The following SYBU variants were observed in gnomAD, a reference collection of about 807,000 sequenced individuals.
The protein encoded by SYBU is GOLSYN A protein.
SYBU carries 21 observed loss-of-function variants against 35.9 expected under a neutral mutation model. The ratio of observed to expected loss-of-function variants is 0.58; its 90% CI spans 0.41 to 0.84. The LOEUF (loss-of-function observed/expected upper bound fraction) is 0.84, where lower values mean the gene tolerates loss of function less well. SYBU is among the 40% of genes least tolerant of loss of function. The pLI, the probability that SYBU is intolerant of heterozygous loss-of-function variation, is 0.00. For synonymous variants in SYBU, 319 were observed against 324.3 expected (o/e 0.98, Z 0.18); for missense variants, 768 against 848.2 (o/e 0.91, Z 1.17).
At chr8:109,662,199 T>G (rs1468161917) in intron 1 of SYBU, among the ~76,000 whole-genome samples, 5 of 152,216 alleles carry the variant, frequency 3.3e-5, no homozygotes, top group Non-Finnish European at 7.3e-5. Flanking sequence ...TTGGAAAATT[T>G]ACATTTCCTC....
intron 3 of SYBU, among the ~76,000 whole-genome samples, chr8:109,596,871 T>C (rs1055668220): frequency 6.6e-6 from 1 of 152,226 alleles, no homozygotes; most frequent in African/African-American, 2.4e-5. Flanking sequence ...CTCTTAATAA[T>C]GTATTCCATA....
chr8:109,645,086 C>G (rs775118314), upstream of SYBU: 1 of 482,964 alleles, frequency 2.1e-6, no homozygotes, highest in Admixed American at 2.3e-5. Context: ...AGGGGTGACC[C>G]CACCCTCTTT....
At chr8:109,661,730 T>G (rs529658612) in intron 1 of SYBU, among the ~76,000 whole-genome samples, 8 of 152,198 alleles carry the variant, frequency 5.3e-5, no homozygotes, top group Non-Finnish European at 7.4e-5. Context: ...GTATTAAATA[T>G]TAAGGGTGTG....
intron 1 of SYBU, among the ~76,000 whole-genome samples, chr8:109,661,303 C>G (rs576195518): frequency 6.6e-6 from 1 of 152,098 alleles, no homozygotes; most frequent in Non-Finnish European, 1.5e-5. Flanking sequence ...AACTATTGGA[C>G]ATGTAAAAGA....
At chr8:109,652,312 A>G (rs1196668598) in intron 1 of SYBU, among the ~76,000 whole-genome samples, 4 of 151,496 alleles carry the variant, frequency 2.6e-5, no homozygotes, top group Non-Finnish European at 5.9e-5. Flanking sequence ...CTTTCTCTTT[A>G]TTGTTCCTCT....
At chr8:109,688,419 G>A (rs924828798) in intron 1 of SYBU, among the ~76,000 whole-genome samples, 13 of 152,070 alleles carry the variant, frequency 8.5e-5, no homozygotes, top group African/African-American at 1.9e-4. Flanking sequence ...ACCTGCTGTC[G>A]GTCTACAAGA....
intron 3 of SYBU, among the ~76,000 whole-genome samples, chr8:109,615,383 G>A (rs1446870054): frequency 6.6e-6 from 1 of 152,140 alleles, no homozygotes; most frequent in Non-Finnish European, 1.5e-5. Flanking sequence ...AACAGATTAT[G>A]TCTCTGGATT....
At chr8:109,671,516 C>T (rs376778648) in intron 1 of SYBU, among the ~76,000 whole-genome samples, 2 of 152,106 alleles carry the variant, frequency 1.3e-5, no homozygotes, top group South Asian at 2.1e-4. Flanking sequence ...GTTCTAAGTT[C>T]CACTGCAATT....
intron 3 of SYBU, among the ~76,000 whole-genome samples, chr8:109,593,960 A>T (rs76716442): frequency 0.029 from 4,373 of 152,332 alleles, 205 homozygotes; most frequent in African/African-American, 0.1. Context: ...AGTATTTTAC[A>T]GACTTGTACA....
At chr8:109,638,181 C>T (rs1814441682) in intron 2 of SYBU, among the ~76,000 whole-genome samples, 2 of 152,310 alleles carry the variant, frequency 1.3e-5, no homozygotes, top group South Asian at 2.1e-4. Context: ...TAAAAGCCAG[C>T]AATCCATCTG....
chr8:109,630,245 G>A (rs1813457099), intron 2 of SYBU, among the ~76,000 whole-genome samples: 1 of 140,764 alleles, frequency 7.1e-6, no homozygotes, highest in Non-Finnish European at 1.5e-5. Context: ...GACACAGGAA[G>A]GGGAATATCA....
chr8:109,588,986 C>A (rs1199227795), intron 3 of SYBU, among the ~76,000 whole-genome samples: 1 of 152,020 alleles, frequency 6.6e-6, no homozygotes, highest in Non-Finnish European at 1.5e-5. Flanking sequence ...ATGGCAAAAC[C>A]CTGTCTCTAC....
chr8:109,677,129 T>C (rs886623292), intron 1 of SYBU, among the ~76,000 whole-genome samples: 1 of 152,044 alleles, frequency 6.6e-6, no homozygotes, highest in African/African-American at 2.4e-5. Flanking sequence ...GTTATGCACA[T>C]GGGTTAAGAT....
rs572144928 is a variant in SYBU at position 109,640,146 on chromosome 8, G to A, written c.229+2582C>T. Among the ~76,000 whole-genome samples, 18 of 152,262 alleles carry A rather than the reference G, an allele frequency of 1.2e-4. No homozygotes were observed. The South Asian group carries it at 3.5e-3, about 30-fold the overall frequency. ...GAGACACCCATAATTATATGCTTCT[G>A]CCACTCAATTTTCATCTAGTTAATA... On this transcript the variant is annotated intron_variant, in intron 2 of 6. Coordinates refer to ENST00000276646, the MANE Select transcript of SYBU (RefSeq NM_001099754.2).
rs1474417649 is a variant in SYBU, at chr8:109,668,171, A to AGAGAAAGGG, written c.-129+12539_-129+12540insCCCTTTCTC. On this transcript the variant is annotated intron_variant, in intron 1 of 5. Coordinates refer to the SYBU transcript ENST00000408889. Reference sequence around the variant, plus strand: ...GAGGCAGAGGGGGAGAGGGGGAGAGAGAGAGAGAGAGAGAGAGAGAGAGAG... The same window carrying AGAGAAAGGG: ...GAGGCAGAGGGGGAGAGGGGGAGAGAGAGAAAGGGGAGAGAGAGAGAGAGAGAGAGAGAG... Among the ~76,000 whole-genome samples the AGAGAAAGGG allele has an allele frequency of 1.1e-3, 132 of 124,518 alleles. 3 individuals are homozygous for AGAGAAAGGG. The highest frequency in any genetic ancestry group is 2.1e-3 in the African/African-American group (65 of 30,352). 81.7% of individuals were successfully genotyped at this position (124,518 alleles called of 152,430 possible).
At chr8:109,600,434 A>C (rs1280897981) in intron 3 of SYBU, among the ~76,000 whole-genome samples, 1 of 152,194 alleles carries the variant, frequency 6.6e-6, no homozygotes, top group Non-Finnish European at 1.5e-5. Flanking sequence ...GCTAACTGCA[A>C]AGACCTCTGT....
intron 1 of SYBU, among the ~76,000 whole-genome samples, chr8:109,676,091 C>G (rs565790156): frequency 3.9e-5 from 6 of 152,274 alleles, no homozygotes; most frequent in East Asian, 3.9e-4. Flanking sequence ...ATTCAACACC[C>G]CTTCATGATA....
At chr8:109,652,699 C>T (rs556115405) in intron 1 of SYBU, among the ~76,000 whole-genome samples, 58 of 152,180 alleles carry the variant, frequency 3.8e-4, no homozygotes, top group Middle Eastern at 3.4e-3. Context: ...GTTAATAATG[C>T]CTTTATTCTA....
At chr8:109,651,349 GTGAAA>G (rs1322223746) in intron 1 of SYBU, among the ~76,000 whole-genome samples, 3 of 151,420 alleles carry the variant, frequency 2.0e-5, no homozygotes, top group Non-Finnish European at 4.4e-5. Context: ...GCACTGGAAA[GTGAAA>G]TGAGTTTCCC....
Sources: gnomAD v4.1 joint callset for allele counts (sites outside exome capture counted in the v4.1 genomes callset) on GRCh38, gnomAD v4.1.1 for gene constraint, MANE v1.5 for transcripts, NCBI Gene and HGNC (gene_info 2026-07-23, HGNC 2026-07-21) for gene names.